The following PDIK1L variants were observed in gnomAD, a reference collection of about 807,000 sequenced individuals.
The protein encoded by PDIK1L is serine/threonine-protein kinase PDIK1L.
A neutral mutation model predicts 27.1 loss-of-function variants in PDIK1L; 9 were observed. That is an observed-to-expected ratio of 0.33 (90% confidence interval 0.20 to 0.58). The LOEUF (loss-of-function observed/expected upper bound fraction) is 0.58, where lower values mean the gene tolerates loss of function less well. Among genes scored for constraint, PDIK1L ranks in the 20% least tolerant of loss-of-function variants. PDIK1L has a pLI of 0.86. For synonymous variants in PDIK1L, 130 were observed against 141.7 expected (o/e 0.92, Z 0.59); for missense variants, 216 against 413.2 (o/e 0.52, Z 4.14).
At chr1:26,113,498 T>TAAAA (rs67443362) in intron 1 of PDIK1L, among the ~76,000 whole-genome samples, 5 of 91,010 alleles carry the variant, frequency 5.5e-5, no homozygotes, top group African/African-American at 8.3e-5. Context: ...AGACTCCGTC[T>TAAAA]AAAAAAAAAA....
At chr1:26,119,177 G>T (rs866666437) in intron 2 of PDIK1L, among the ~76,000 whole-genome samples, 2 of 151,420 alleles carry the variant, frequency 1.3e-5, no homozygotes, top group Non-Finnish European at 3.0e-5. Context: ...GGAGGCTGAG[G>T]CAGGTGAATC....
rs1444305366 is a variant in PDIK1L at position 26,122,459 on chromosome 1, G to A, written c.908G>A (p.Arg303Gln). ...IPVKKKSMNG[R>Q]MKQLIKEMLA... is the part of the protein sequence containing the mutation. ...GTGAAGAAAAAATCTATGAATGGGCGAATGAAACAACTGATTAAGGAAATG... is the reference window on the plus strand; with the variant it reads ...GTGAAGAAAAAATCTATGAATGGGCAAATGAAACAACTGATTAAGGAAATG... Residue 303 changes from arginine to glutamine, a missense_variant, in exon 3 of 3, where the codon CGA becomes CAA. Arg to Gln is a conservative substitution (Grantham distance 43). Coordinates refer to ENST00000374269, the MANE Select transcript of PDIK1L (RefSeq NM_152835.5). The surrounding 1 kb of genome is among the most constrained non-coding windows in gnomAD (Gnocchi z 5.4). 3.7e-6 allele frequency: 6 copies of A among 1,614,002 alleles called. No homozygotes were observed. The highest frequency in any genetic ancestry group is 3.3e-5 in the Admixed American group (2 of 60,000).
In PDIK1L at chr1:26,122,278, C is replaced by G. The variant is rs779352716; in HGVS notation, c.727C>G (p.Leu243Val). 3 of 1,614,136 alleles carry G rather than the reference C, an allele frequency of 1.9e-6. No individual in the cohort carries two copies. The South Asian group carries it at 3.3e-5, about 18-fold the overall frequency. Reference protein sequence around the residue: ...HYTAKADIFALGIIIWAMLER... With the variant: ...HYTAKADIFAVGIIIWAMLER... ...CACAGCAAAAGCTGACATCTTTGCT[C>G]TGGGGATTATCATCTGGGCAATGCT... The change falls in exon 3 of 3, where the codon CTG (leucine) becomes GTG (valine). Residue 243 changes from leucine (L) to valine (V), a missense_variant. By Grantham distance (32) the Leu-to-Val change is conservative. Transcript: ENST00000374269. This position sits in a 1 kb window ranked among gnomAD's most constrained non-coding sequence, Gnocchi z 5.4.
rs1306324798 is a variant in PDIK1L at position 26,123,683 on chromosome 1, T to C, written c.*1106T>C. ...TTTTCTCTTGTCTGATTTGAAACAG[T>C]ACTGGTAATAATATGGTTGTTGAAA... is the stretch of plus-strand genomic sequence containing the variant. On this transcript the variant is annotated 3_prime_UTR_variant, in exon 3 of 3. Transcript: ENST00000374269. 1.3e-5 allele frequency: 2 copies of C among 152,584 alleles called. No homozygotes were observed. The allele number at this position is 152,584 out of a possible 1,614,324, so 9.5% of individuals were successfully genotyped here.
At position 26,122,584 on chromosome 1, in the gene PDIK1L, T is replaced by C. The variant is rs775548871; in HGVS notation, c.*7T>C. The C allele has an allele frequency of 1.2e-4, 195 of 1,594,376 alleles. No homozygotes were observed. In the East Asian group the frequency reaches 4.1e-3, roughly 34 times the overall value. On this transcript the variant is annotated 3_prime_UTR_variant, in exon 3 of 3. Transcript: ENST00000374269. The surrounding 1 kb of genome is among the most constrained non-coding windows in gnomAD (Gnocchi z 5.4). ...TAGCAGCTGGGAAACGTGACACATA[T>C]TATTTGCAAATACCATGGATGATAT... is the stretch of plus-strand genomic sequence containing the variant.
chr1:26,118,043 G>GCCAGAC (rs2087910503), intron 2 of PDIK1L, among the ~76,000 whole-genome samples: 1 of 150,140 alleles, frequency 6.7e-6, no homozygotes, highest in Non-Finnish European at 1.5e-5. Context: ...CTGGGCAAGA[G>GCCAGAC]CCAGACCCTG....
At chr1:26,112,763 G>A (rs2087818102) in intron 1 of PDIK1L, 1 of 152,196 alleles carries the variant, frequency 6.6e-6, no homozygotes, top group Admixed American at 6.5e-5. Flanking sequence ...CAGGCTCTAG[G>A]GTCAGTAGCC....
Sources: gnomAD v4.1 joint callset for allele counts (sites outside exome capture counted in the v4.1 genomes callset) on GRCh38, gnomAD v4.1.1 for gene constraint, Gnocchi (gnomAD v3.1) non-coding constraint, MANE v1.5 for transcripts, NCBI Gene and HGNC (gene_info 2026-07-23, HGNC 2026-07-21) for gene names.